Variants in TEX9 observed in about 807,000 individuals in gnomAD.
TEX9 encodes testis expressed 9, also known as testis-expressed protein 9.
TEX9 carries 74 observed loss-of-function variants against 59.6 expected under a neutral mutation model. The ratio of observed to expected loss-of-function variants is 1.24; its 90% CI spans 1.03 to 1.51. TEX9 has a LOEUF of 1.51. Among genes scored for constraint, TEX9 ranks in the 40% most tolerant of loss-of-function variants. TEX9 has a pLI of 0.00. For missense variants in TEX9, 522 were observed against 447.8 expected (o/e 1.17, Z -1.49); for synonymous variants, 186 against 152.2 (o/e 1.22, Z -1.64).
intron 1 of TEX9, among the ~76,000 whole-genome samples, chr15:56,310,982 A>G (rs2912184): frequency 0.28 from 41,993 of 151,958 alleles, 6,551 homozygotes; most frequent in East Asian, 0.34. Context: ...AGATGACCTC[A>G]GACGAACACC....
intron 7 of TEX9, among the ~76,000 whole-genome samples, chr15:56,392,808 C>T (rs1445883562): frequency 6.6e-6 from 1 of 152,080 alleles, no homozygotes; most frequent in African/African-American, 2.4e-5. Flanking sequence ...GATGCACAGG[C>T]ATTGATTGTT....
chr15:56,450,539 CATAAT>C (rs1236898012), downstream of TEX9, among the ~76,000 whole-genome samples: 2 of 152,172 alleles, frequency 1.3e-5, no homozygotes, highest in Non-Finnish European at 2.9e-5. Flanking sequence ...GCTTACTTAA[CATAAT>C]GTTTTCAAGG....
chr15:56,351,909 GTTTC>G (rs1292978578), intron 1 of TEX9, among the ~76,000 whole-genome samples: 2 of 151,898 alleles, frequency 1.3e-5, no homozygotes, highest in African/African-American at 4.8e-5. Flanking sequence ...CTTTATTTTG[GTTTC>G]TTTATTTTGG....
intron 10 of TEX9, among the ~76,000 whole-genome samples, chr15:56,426,049 C>T (rs1316998210): frequency 6.6e-6 from 1 of 152,150 alleles, no homozygotes; most frequent in African/African-American, 2.4e-5. Context: ...TTTTATTCCT[C>T]TGCCCATAAT....
At chr15:56,441,978 C>G (rs1203108463) in intron 12 of TEX9, among the ~76,000 whole-genome samples, 1 of 151,956 alleles carries the variant, frequency 6.6e-6, no homozygotes, top group Non-Finnish European at 1.5e-5. Context: ...CGAGATCACG[C>G]CACTGCACTC....
rs150749155 is a variant in TEX9 at position 56,359,647 on chromosome 15, T to A, written c.-106-13794T>A. The stretch of plus-strand genomic sequence containing the variant: ...GGAGAGTTTTATTTCTTCTTTTGGA[T>A]TTTCTTTTTTAAAAAAATTTTCTTT... On this transcript the variant is annotated intron_variant, in intron 1 of 5. Coordinates refer to the TEX9 transcript ENST00000560827. Among the ~76,000 whole-genome samples, 236 of 152,268 alleles carry A rather than the reference T, an allele frequency of 1.5e-3. 5 individuals carry two copies. In the East Asian group the frequency reaches 0.04, roughly 26 times the overall value.
At chr15:56,254,500 C>T (rs1419109705) in intron 1 of TEX9, among the ~76,000 whole-genome samples, 1 of 151,518 alleles carries the variant, frequency 6.6e-6, no homozygotes, top group Non-Finnish European at 1.5e-5. Context: ...CCAGGAGGCA[C>T]AGGGAGGCTC....
intron 10 of TEX9, among the ~76,000 whole-genome samples, chr15:56,422,156 C>T (rs1472966569): frequency 1.3e-4 from 20 of 148,816 alleles, no homozygotes; most frequent in African/African-American, 3.7e-4. Context: ...TGCTAAATGA[C>T]GAGTTAATGG....
rs77429380 is a variant in TEX9, at chr15:56,359,234, A to G, written c.-106-14207A>G. On this transcript the variant is annotated intron_variant, in intron 1 of 5. Transcript: ENST00000560827. ...ATACATAAAATTTACCATGTCAACC[A>G]TATTTTAATTTGGTGGCATTAAATG... 8.0e-3 allele frequency among the ~76,000 whole-genome samples: 1,212 copies of G among 152,286 alleles called. 14 individuals are homozygous for G. The highest frequency in any genetic ancestry group is 0.027 in the African/African-American group (1,135 of 41,578).
At chr15:56,454,065 T>C in the TEX9 span, among the ~76,000 whole-genome samples, 1 of 142,584 alleles carries the variant, frequency 7.0e-6, no homozygotes, top group African/African-American at 2.6e-5. Context: ...AAAACACTCT[T>C]AGCAATTCTG....
intron 9 of TEX9, among the ~76,000 whole-genome samples, chr15:56,403,557 C>T (rs1188572436): frequency 6.6e-6 from 1 of 152,196 alleles, no homozygotes; most frequent in Non-Finnish European, 1.5e-5. Flanking sequence ...GCATACTGCC[C>T]AAGGTAATTT....
chr15:56,412,738 A>T (rs1350877785), intron 10 of TEX9, among the ~76,000 whole-genome samples: 2 of 152,160 alleles, frequency 1.3e-5, no homozygotes, highest in African/African-American at 4.8e-5. Context: ...GTTGTTTAAA[A>T]AAAGTATCTT....
intron 12 of TEX9, among the ~76,000 whole-genome samples, chr15:56,435,249 C>T (rs1031207625): frequency 5.3e-5 from 8 of 151,704 alleles, no homozygotes; most frequent in African/African-American, 1.9e-4. Flanking sequence ...ATAATCTAAG[C>T]CCCCACTTCA....
intron 12 of TEX9, among the ~76,000 whole-genome samples, chr15:56,438,055 G>C (rs1390563976): frequency 6.6e-6 from 1 of 152,252 alleles, no homozygotes; most frequent in Non-Finnish European, 1.5e-5. Flanking sequence ...GTAATTTACA[G>C]ATTCAATGCC....
intron 1 of TEX9, among the ~76,000 whole-genome samples, chr15:56,294,247 C>T (rs1659706540): frequency 6.6e-6 from 1 of 152,202 alleles, no homozygotes. Flanking sequence ...GTTATCTGCC[C>T]TGCCTTGACA....
intron 1 of TEX9, among the ~76,000 whole-genome samples, chr15:56,330,517 G>C (rs1320028881): frequency 6.6e-6 from 1 of 151,882 alleles, no homozygotes; most frequent in Non-Finnish European, 1.5e-5. Context: ...GCAATGAAAA[G>C]GTAAAAAAGT....
At chr15:56,455,292 T>C in the TEX9 span, among the ~76,000 whole-genome samples, 7 of 140,690 alleles carry the variant, frequency 5.0e-5, no homozygotes, top group Non-Finnish European at 9.2e-5. Flanking sequence ...CAGCTAATGA[T>C]GGTTGGAGAA....
chr15:56,344,298 C>T (rs2046424798), intron 1 of TEX9, among the ~76,000 whole-genome samples: 1 of 152,088 alleles, frequency 6.6e-6, no homozygotes. Flanking sequence ...TGGATAAATA[C>T]ATGTGATATA....
At chr15:56,311,476 T>C (rs2045614991) in intron 1 of TEX9, among the ~76,000 whole-genome samples, 1 of 118,212 alleles carries the variant, frequency 8.5e-6, no homozygotes, top group Non-Finnish European at 1.8e-5. Context: ...CATGAACTCA[T>C]CATTTTTTAT....
Sources: gnomAD v4.1 joint callset for allele counts (sites outside exome capture counted in the v4.1 genomes callset) on GRCh38, gnomAD v4.1.1 for gene constraint, MANE v1.5 for transcripts, NCBI Gene and HGNC (gene_info 2026-07-23, HGNC 2026-07-21) for gene names.